Variants in APP observed in about 807,000 individuals in gnomAD.
The protein encoded by APP is amyloid beta precursor protein.
Under a neutral mutation model 101.4 loss-of-function variants are expected in APP, and 31 were observed. That is an observed-to-expected ratio of 0.31 (90% CI 0.23 to 0.41). The LOEUF is 0.41. APP is among the 10% of genes least tolerant of loss of function. The pLI is 1.00. For missense variants in APP, 839 were observed against 1,003.7 expected (o/e 0.84, Z 2.22); for synonymous variants, 366 against 364.4 (o/e 1.00, Z -0.05).
chr21:25,914,286 G>A (rs1186240016), intron 13 of APP, among the ~76,000 whole-genome samples: 2 of 151,554 alleles, frequency 1.3e-5, no homozygotes, highest in African/African-American at 2.4e-5. Flanking sequence ...ATTACTTTTC[G>A]CCTGGATAAT....
At chr21:25,974,326 C>T (rs1439279760) in intron 11 of APP, among the ~76,000 whole-genome samples, 1 of 152,084 alleles carries the variant, frequency 6.6e-6, no homozygotes, top group Non-Finnish European at 1.5e-5. Flanking sequence ...TTGCCATGGT[C>T]TGAATGTTTG....
chr21:25,947,477 A>G (rs1347342005), intron 13 of APP, among the ~76,000 whole-genome samples: 1 of 152,248 alleles, frequency 6.6e-6, no homozygotes, highest in African/African-American at 2.4e-5. Context: ...GGCTGTCTTA[A>G]TAGTATACCG....
intron 1 of APP, among the ~76,000 whole-genome samples, chr21:26,112,407 A>G (rs1021813371): frequency 3.3e-5 from 5 of 152,238 alleles, no homozygotes; most frequent in Non-Finnish European, 7.3e-5. Context: ...TGAAAAATTT[A>G]CACGTTTTCC....
chr21:25,962,752 T>C (rs1428041323), intron 11 of APP, among the ~76,000 whole-genome samples: 1 of 152,202 alleles, frequency 6.6e-6, no homozygotes, highest in Non-Finnish European at 1.5e-5. Flanking sequence ...TTCTTATAGT[T>C]TGATGTCAAA....
intron 16 of APP, among the ~76,000 whole-genome samples, chr21:25,894,298 A>C (rs974227911): frequency 6.6e-6 from 1 of 152,196 alleles, no homozygotes; most frequent in Non-Finnish European, 1.5e-5. Context: ...TTATTATTTC[A>C]GCCTCTTATT....
At chr21:25,917,063 G>C (rs989090131) in intron 13 of APP, among the ~76,000 whole-genome samples, 12 of 151,986 alleles carry the variant, frequency 7.9e-5, no homozygotes, top group Admixed American at 6.6e-5. Context: ...GAGTTCAAGA[G>C]CAGCCTGGCT....
At chr21:25,997,240 T>C (rs1279212021) in intron 8 of APP, 120 bp downstream of exon 8, 2 of 985,396 alleles carry the variant, frequency 2.0e-6, no homozygotes, top group Non-Finnish European at 3.2e-6. Context: ...AGAAACATTT[T>C]ACTAAGACAG....
chr21:26,162,857 A>AAATTAT (rs536874537), intron 1 of APP, among the ~76,000 whole-genome samples: 38 of 146,678 alleles, frequency 2.6e-4, no homozygotes, highest in African/African-American at 9.7e-4. Flanking sequence ...AATGAAAGCC[A>AAATTAT]AATTATTAAA....
chr21:26,147,501 A>G (rs1398162655), intron 1 of APP, among the ~76,000 whole-genome samples: 1 of 152,224 alleles, frequency 6.6e-6, no homozygotes, highest in Non-Finnish European at 1.5e-5. Flanking sequence ...GCATGATATA[A>G]TCAGTCTGAA....
chr21:26,147,213 G>A (rs2146329030), intron 1 of APP, among the ~76,000 whole-genome samples: 1 of 152,174 alleles, frequency 6.6e-6, no homozygotes, highest in Admixed American at 6.5e-5. Context: ...ACCCCTCCCT[G>A]CAGAACTCCT....
At chr21:26,109,345 G>A (rs141477877) in intron 2 of APP, among the ~76,000 whole-genome samples, 282 of 152,282 alleles carry the variant, frequency 1.9e-3, no homozygotes, top group Middle Eastern at 3.4e-3. Context: ...ACCATCCCTC[G>A]AGTGCTGTCC....
chr21:26,015,299 T>C (rs774152798), intron 6 of APP, among the ~76,000 whole-genome samples: 11 of 152,334 alleles, frequency 7.2e-5, no homozygotes, highest in Non-Finnish European at 1.5e-4. Flanking sequence ...CTAAGGTTAA[T>C]TGAGCAGTTA....
intron 6 of APP, among the ~76,000 whole-genome samples, chr21:26,001,885 G>T (rs143969818): frequency 0.19 from 412 of 2,202 alleles, 2 homozygotes; most frequent in African/African-American, 0.31. Context: ...GCCAGAAGCT[G>T]CTCTGTCAGT....
At chr21:25,986,562 T>C (rs112714044) in intron 8 of APP, among the ~76,000 whole-genome samples, 4,815 of 152,152 alleles carry the variant, frequency 0.032, 258 homozygotes, top group African/African-American at 0.11. Flanking sequence ...TAGCAGGGTG[T>C]GGTGGCGCAT....
chr21:26,146,475 T>C (rs1221826817), intron 1 of APP, among the ~76,000 whole-genome samples: 1 of 152,218 alleles, frequency 6.6e-6, no homozygotes, highest in East Asian at 1.9e-4. Flanking sequence ...TTATTGGCTG[T>C]GTATTTTTTC....
chr21:26,016,393 T>C (rs1177089417), intron 6 of APP, among the ~76,000 whole-genome samples: 3 of 152,202 alleles, frequency 2.0e-5, no homozygotes, highest in Non-Finnish European at 2.9e-5. Context: ...AATAGATGAA[T>C]ATATGCCTAT....
At chr21:26,028,176 CA>C (rs200301180) in intron 5 of APP, among the ~76,000 whole-genome samples, 27,988 of 93,314 alleles carry the variant, frequency 0.3, 2,328 homozygotes, top group South Asian at 0.35. Context: ...GACTCTGTCT[CA>C]AAAAAAAAAA....
At chr21:25,927,673 T>G (rs1173690231) in intron 13 of APP, among the ~76,000 whole-genome samples, 1 of 18,536 alleles carries the variant, frequency 5.4e-5, no homozygotes. Context: ...TGTCCCCTTA[T>G]GGTAACAAAC....
intron 6 of APP, among the ~76,000 whole-genome samples, chr21:26,015,666 A>G (rs2044021526): frequency 6.6e-6 from 1 of 152,096 alleles, no homozygotes; most frequent in Non-Finnish European, 1.5e-5. Flanking sequence ...TCTCTCAAAC[A>G]CTATACTAGT....
Sources: allele counts gnomAD v4.1 joint callset (sites outside exome capture counted in the v4.1 genomes callset), GRCh38; gene constraint gnomAD v4.1.1; transcripts MANE v1.5; gene names NCBI Gene and HGNC (gene_info 2026-07-23, HGNC 2026-07-21).